GALNT13: variants seen among roughly 807,000 people sequenced by gnomAD.
GALNT13 encodes the protein polypeptide N-acetylgalactosaminyltransferase 13, also known as UDP-GalNAc:polypeptide N-acetylgalactosaminyltransferase 13.
A neutral mutation model predicts 64.2 loss-of-function variants in GALNT13; 28 were observed. The observed-to-expected ratio is 0.44, with a 90% CI of 0.32 to 0.60. GALNT13 has a LOEUF of 0.60. Among genes scored for constraint, GALNT13 ranks in the 20% least tolerant of loss-of-function variants. The probability of loss-of-function intolerance (pLI) is 0.05; values close to 1 mark genes in which losing one functional copy is unlikely to be tolerated. For missense variants in GALNT13, 577 were observed against 669.8 expected, an observed-to-expected ratio of 0.86 and a Z score of 1.53; for synonymous variants, 214 against 224.6, an observed-to-expected ratio of 0.95 and a Z score of 0.42.
chr2:153,891,677 C>T (rs1385981948), intron 1 of GALNT13, among the ~76,000 whole-genome samples: 1 of 152,004 alleles, frequency 6.6e-6, no homozygotes, highest in East Asian at 1.9e-4. Flanking sequence ...AACTATGCCT[C>T]ATCATTGGTT....
intron 9 of GALNT13, among the ~76,000 whole-genome samples, chr2:154,323,918 A>G (rs1256373368): frequency 6.6e-6 from 1 of 152,100 alleles, no homozygotes; most frequent in Non-Finnish European, 1.5e-5. Context: ...CATCCCAGCA[A>G]GTATTATCTC....
chr2:153,829,789 T>C, the GALNT13 span, among the ~76,000 whole-genome samples: 3 of 152,342 alleles, frequency 2.0e-5, no homozygotes, highest in South Asian at 2.1e-4. Flanking sequence ...ATTTTGCAAA[T>C]TCTATTTGCT....
chr2:153,532,710 C>A, the GALNT13 span, among the ~76,000 whole-genome samples: 1 of 152,110 alleles, frequency 6.6e-6, no homozygotes, highest in Non-Finnish European at 1.5e-5. Flanking sequence ...TTAAAAAACA[C>A]CCAGGCCACA....
the GALNT13 span, among the ~76,000 whole-genome samples, chr2:153,264,733 A>C: frequency 6.6e-6 from 1 of 152,186 alleles, no homozygotes; most frequent in Non-Finnish European, 1.5e-5. Context: ...CTCACTTATA[A>C]GTGGTAGCTG....
chr2:153,420,457 A>G, the GALNT13 span, among the ~76,000 whole-genome samples: 1 of 152,202 alleles, frequency 6.6e-6, no homozygotes, highest in East Asian at 1.9e-4. Flanking sequence ...TATAGCAAAT[A>G]TGATCTCCAT....
chr2:154,393,534 A>C (rs1293098068), intron 9 of GALNT13, among the ~76,000 whole-genome samples: 1 of 152,196 alleles, frequency 6.6e-6, no homozygotes, highest in Non-Finnish European at 1.5e-5. Context: ...ACATGGATTC[A>C]GAGAGAAAAA....
At chr2:153,501,593 A>G in the GALNT13 span, among the ~76,000 whole-genome samples, 1 of 152,066 alleles carries the variant, frequency 6.6e-6, no homozygotes, top group African/African-American at 2.4e-5. Context: ...CGACCACCCA[A>G]CATGCTGGGA....
At chr2:153,176,951 A>G in the GALNT13 span, among the ~76,000 whole-genome samples, 1 of 152,136 alleles carries the variant, frequency 6.6e-6, no homozygotes, top group Non-Finnish European at 1.5e-5. Flanking sequence ...AGGTAAAAGA[A>G]ATATTTTTTT....
chr2:153,907,866 C>T (rs1022889978), intron 2 of GALNT13, among the ~76,000 whole-genome samples: 1 of 152,066 alleles, frequency 6.6e-6, no homozygotes, highest in East Asian at 1.9e-4. Context: ...CTGCAATTAA[C>T]ATATGTGTGC....
chr2:154,259,308 A>G (rs1690562783), intron 8 of GALNT13, among the ~76,000 whole-genome samples, 170 bp downstream of exon 8: 1 of 152,132 alleles, frequency 6.6e-6, no homozygotes, highest in Non-Finnish European at 1.5e-5. Flanking sequence ...TGCATGCAAT[A>G]TTTTCTTCTA....
the GALNT13 span, among the ~76,000 whole-genome samples, chr2:153,738,331 C>G: frequency 6.6e-6 from 1 of 151,886 alleles, no homozygotes; most frequent in African/African-American, 2.4e-5. Context: ...TCCCCATGTC[C>G]CAACATGGAA....
At position 154,350,039 on chromosome 2, in the gene GALNT13, A is replaced by T. The variant is rs114102132; in HGVS notation, c.1157-45952A>T. Among the ~76,000 whole-genome samples the T allele has an allele frequency of 7.7e-3, 1,180 of 152,330 alleles. 13 individuals carry two copies. The highest frequency in any genetic ancestry group is 0.027 in the African/African-American group (1,122 of 41,566). ...TCTATGGGATTCAAGGACAAAAGAA[A>T]AAACCAGAAGAAATTTTTATCAAAA... On this transcript the variant is annotated intron_variant, in intron 9 of 12. Transcript: ENST00000392825.
chr2:153,241,376 G>A, the GALNT13 span, among the ~76,000 whole-genome samples: 3 of 152,178 alleles, frequency 2.0e-5, no homozygotes, highest in Non-Finnish European at 4.4e-5. Context: ...GTTTTGTTAT[G>A]TGCATTTTGC....
chr2:154,372,084 A>G (rs1483575043), intron 9 of GALNT13, among the ~76,000 whole-genome samples: 1 of 152,070 alleles, frequency 6.6e-6, no homozygotes, highest in African/African-American at 2.4e-5. Flanking sequence ...GTTACTTTTC[A>G]GTCAATAGTA....
At chr2:154,101,992 C>G (rs1377873387) in intron 3 of GALNT13, among the ~76,000 whole-genome samples, 1 of 151,776 alleles carries the variant, frequency 6.6e-6, no homozygotes, top group Non-Finnish European at 1.5e-5. Flanking sequence ...TTTAGTTCAC[C>G]CTGCTTCAAT....
At chr2:153,403,381 GT>G in the GALNT13 span, among the ~76,000 whole-genome samples, 8 of 152,102 alleles carry the variant, frequency 5.3e-5, no homozygotes, top group African/African-American at 1.9e-4. Context: ...CTGTCTTTTT[GT>G]TTGTCTGTGC....
intron 9 of GALNT13, among the ~76,000 whole-genome samples, chr2:154,348,517 G>T (rs1696199461): frequency 6.6e-6 from 1 of 152,018 alleles, no homozygotes; most frequent in Non-Finnish European, 1.5e-5. Flanking sequence ...TTCCTGGCAT[G>T]TCCTAGAGCT....
At chr2:153,854,528 C>T in the GALNT13 span, among the ~76,000 whole-genome samples, 16 of 151,994 alleles carry the variant, frequency 1.1e-4, no homozygotes, top group Admixed American at 6.6e-5. Context: ...TTGCAGTGAG[C>T]TGAGATCGCA....
chr2:154,445,462 G>A lies in GALNT13; in HGVS notation c.1531-4949G>A, dbSNP rs1250683950. On this transcript the variant is annotated intron_variant, in intron 12 of 12. Coordinates refer to ENST00000392825, the MANE Select transcript of GALNT13 (RefSeq NM_052917.4). ...ACTTCAAGGAGAAATATCACTGAGAGTAGAGGATGATCTAGCCTAGCAGTT... is the reference window on the plus strand; with the variant it reads ...ACTTCAAGGAGAAATATCACTGAGAATAGAGGATGATCTAGCCTAGCAGTT... Among the ~76,000 whole-genome samples, 10 of 151,792 alleles carry A rather than the reference G, an allele frequency of 6.6e-5. No individual in the cohort carries two copies. The Admixed American group carries it at 6.6e-4, about 10-fold the overall frequency.
Sources: allele counts gnomAD v4.1 joint callset (sites outside exome capture counted in the v4.1 genomes callset), GRCh38; gene constraint gnomAD v4.1.1; transcripts MANE v1.5; gene names NCBI Gene and HGNC (gene_info 2026-07-23, HGNC 2026-07-21).